Variants in SMYD3 observed in about 807,000 individuals in gnomAD.
SMYD3 encodes the protein SET and MYND domain containing 3, also known as histone-lysine N-methyltransferase SMYD3.
In SMYD3, 36 loss-of-function variants were observed where a neutral mutation model predicts 57.7. The ratio of observed to expected loss-of-function variants is 0.62; its 90% CI spans 0.48 to 0.82. SMYD3 has a LOEUF of 0.82. Among genes scored for constraint, SMYD3 ranks in the 40% least tolerant of loss-of-function variants. SMYD3 has a pLI of 0.00. For missense variants in SMYD3, 515 were observed against 538.8 expected (o/e 0.96, Z 0.44); for synonymous variants, 211 against 195.0 (o/e 1.08, Z -0.68).
intron 1 of SMYD3, among the ~76,000 whole-genome samples, chr1:246,361,300 G>A (rs542740957): frequency 2.6e-5 from 4 of 152,154 alleles, no homozygotes; most frequent in African/African-American, 9.6e-5. Context: ...AAAAATAATC[G>A]ACGTAGGCAC....
chr1:246,229,819 CG>C (rs1343755221), intron 5 of SMYD3, among the ~76,000 whole-genome samples: 1 of 152,200 alleles, frequency 6.6e-6, no homozygotes, highest in Non-Finnish European at 1.5e-5. Context: ...AATTTCAACA[CG>C]CATTTTGGAG....
chr1:246,475,722 C>T (rs2068022164), intron 1 of SMYD3, among the ~76,000 whole-genome samples: 1 of 152,024 alleles, frequency 6.6e-6, no homozygotes, highest in African/African-American at 2.4e-5. Context: ...TCAAGCAATC[C>T]TCCCGCCTCA....
chr1:246,271,931 G>T (rs535815942), intron 5 of SMYD3, among the ~76,000 whole-genome samples: 1 of 152,242 alleles, frequency 6.6e-6, no homozygotes, highest in South Asian at 2.1e-4. Context: ...TCACAAACAT[G>T]GGATATGTTT....
chr1:246,499,218 C>A (rs1478203715), intron 1 of SMYD3, among the ~76,000 whole-genome samples: 1 of 151,480 alleles, frequency 6.6e-6, no homozygotes, highest in Non-Finnish European at 1.5e-5. Context: ...GCAGGACAAT[C>A]GCTTGAACCC....
At chr1:246,265,697 GAC>G (rs2064092741) in intron 5 of SMYD3, among the ~76,000 whole-genome samples, 2 of 147,584 alleles carry the variant, frequency 1.4e-5, no homozygotes, top group Admixed American at 1.4e-4. Flanking sequence ...GGGATCCAGT[GAC>G]CATCACATGT....
chr1:246,188,006 T>C lies in SMYD3; in HGVS notation c.531+139195A>G, dbSNP rs186402152. ...TCTAGTAGACCTCTTGGTGTCAAGT[T>C]GTAAAGCTCGAACTTGTTTTGGGAT... On this transcript the variant is annotated intron_variant, in intron 5 of 11. Coordinates refer to ENST00000490107, the MANE Select transcript of SMYD3 (RefSeq NM_001167740.2). 2.0e-3 allele frequency among the ~76,000 whole-genome samples: 309 copies of C among 152,186 alleles called. 1 individual carries two copies. Among genetic ancestry groups the C allele is most frequent in the African/African-American group, 7.2e-3 (300 of 41,512 alleles).
intron 5 of SMYD3, among the ~76,000 whole-genome samples, chr1:246,020,424 A>G (rs562971305): frequency 2.0e-5 from 3 of 152,344 alleles, no homozygotes; most frequent in African/African-American, 7.2e-5. Context: ...AGGTTTCAAA[A>G]GCCTACAAAG....
chr1:246,195,795 T>C (rs75975916), intron 5 of SMYD3, among the ~76,000 whole-genome samples: 3,665 of 152,290 alleles, frequency 0.024, 72 homozygotes, highest in Non-Finnish European at 0.036. Context: ...GAAGGGTTCT[T>C]ACATATAGCT....
intron 10 of SMYD3, among the ~76,000 whole-genome samples, chr1:245,766,094 G>A (rs1163140824): frequency 6.6e-6 from 1 of 151,966 alleles, no homozygotes; most frequent in East Asian, 1.9e-4. Flanking sequence ...CAGAAAGTTG[G>A]GCATGCCTCT....
At chr1:246,013,042 A>T (rs187899774) in intron 5 of SMYD3, among the ~76,000 whole-genome samples, 1 of 152,352 alleles carries the variant, frequency 6.6e-6, no homozygotes, top group Non-Finnish European at 1.5e-5. Flanking sequence ...AGAAGTCAGG[A>T]CCATTCTCAC....
intron 10 of SMYD3, among the ~76,000 whole-genome samples, chr1:245,826,793 AG>A (rs2049524825): frequency 6.6e-6 from 1 of 152,280 alleles, no homozygotes; most frequent in African/African-American, 2.4e-5. Context: ...ACAGGGCGGC[AG>A]GAAGGAGAAT....
intron 10 of SMYD3, among the ~76,000 whole-genome samples, chr1:245,826,270 T>C (rs866988328): frequency 6.6e-6 from 1 of 152,054 alleles, no homozygotes; most frequent in South Asian, 2.1e-4. Context: ...AGATACTTCA[T>C]ATAACTGGAA....
chr1:246,486,422 G>C (rs1402994167), intron 1 of SMYD3, among the ~76,000 whole-genome samples: 1 of 152,130 alleles, frequency 6.6e-6, no homozygotes, highest in Non-Finnish European at 1.5e-5. Flanking sequence ...TAGGCCAAAA[G>C]TGAAAAATTG....
intron 1 of SMYD3, among the ~76,000 whole-genome samples, chr1:246,433,387 G>A (rs529150554): frequency 7.2e-5 from 11 of 152,240 alleles, no homozygotes; most frequent in African/African-American, 1.2e-4. Flanking sequence ...GGCCACACTC[G>A]CGGTGGCTCA....
intron 6 of SMYD3, among the ~76,000 whole-genome samples, 180 bp from the exon 7 acceptor site, chr1:245,928,213 C>T (rs2275318): frequency 0.79 from 119,534 of 152,062 alleles, 48,810 homozygotes; most frequent in Non-Finnish European, 0.9. Context: ...ACACCTCCCA[C>T]GAAGTGCAAT....
chr1:246,054,950 C>T (rs925927359), intron 5 of SMYD3, among the ~76,000 whole-genome samples: 4 of 148,796 alleles, frequency 2.7e-5, no homozygotes, highest in Admixed American at 6.7e-5. Context: ...CCGAGGCGGG[C>T]GGATCACGAG....
At chr1:246,063,448 T>C (rs1285975246) in intron 5 of SMYD3, among the ~76,000 whole-genome samples, 1 of 152,116 alleles carries the variant, frequency 6.6e-6, no homozygotes, top group Non-Finnish European at 1.5e-5. Flanking sequence ...CAGCCACTCT[T>C]ACCAGATAAG....
At chr1:245,945,297 G>A (rs1416954285) in intron 5 of SMYD3, among the ~76,000 whole-genome samples, 1 of 151,758 alleles carries the variant, frequency 6.6e-6, no homozygotes. Flanking sequence ...AAAACAAACA[G>A]CCCCATTAAA....
intron 10 of SMYD3, among the ~76,000 whole-genome samples, chr1:245,798,467 CACACAT>C (rs1479979650): frequency 0.058 from 1,598 of 27,602 alleles, 33 homozygotes; most frequent in African/African-American, 0.17. Context: ...CACACATACA[CACACAT>C]ACACAACACA....
Sources: gnomAD v4.1 joint callset for allele counts (sites outside exome capture counted in the v4.1 genomes callset) on GRCh38, gnomAD v4.1.1 for gene constraint, MANE v1.5 for transcripts, NCBI Gene and HGNC (gene_info 2026-07-23, HGNC 2026-07-21) for gene names.